The following ATRN variants were observed in gnomAD, a reference collection of about 807,000 sequenced individuals.
ATRN encodes attractin-2.
Under a neutral mutation model 178.7 loss-of-function variants are expected in ATRN, and 54 were observed. That is an observed-to-expected ratio of 0.30 (90% CI 0.24 to 0.38). The LOEUF is 0.38. Among genes scored for constraint, ATRN ranks in the 10% least tolerant of loss-of-function variants. The pLI, the probability that ATRN is intolerant of heterozygous loss-of-function variation, is 1.00. For missense variants in ATRN, 1,443 were observed against 1,815.1 expected (o/e 0.79, Z 3.73); for synonymous variants, 636 against 663.0 (o/e 0.96, Z 0.63).
intron 7 of ATRN, 127 bp downstream of exon 7, chr20:3,559,610 A>G (rs1045988383): frequency 7.2e-6 from 5 of 690,872 alleles, no homozygotes; most frequent in Non-Finnish European, 5.0e-6. Flanking sequence ...TGGGGGCATT[A>G]TATAATTGGC....
rs878911783 is a variant in ATRN, at chr20:3,490,881, A to G, written c.410+19364A>G. 2.7e-5 allele frequency: 26 copies of G among 953,440 alleles called. 1 individual carries two copies. The South Asian group carries it at 3.2e-4, about 12-fold the overall frequency. The allele number at this position is 953,440 out of a possible 1,614,324, so 59.1% of individuals were successfully genotyped here. On this transcript the variant is annotated intron_variant, in intron 1 of 28. Coordinates refer to ENST00000262919, the MANE Select transcript of ATRN (RefSeq NM_139321.3). ...ACTGACCTCCATATACCTATCTTGC[A>G]TGGCCTGAGTGCGGTGATCAGAATT...
intron 1 of ATRN, among the ~76,000 whole-genome samples, chr20:3,508,431 A>G (rs995079662): frequency 1.3e-5 from 2 of 152,332 alleles, no homozygotes; most frequent in Admixed American, 6.5e-5. Flanking sequence ...GCATTGTTGC[A>G]TGAAAGCAGT....
intron 23 of ATRN, among the ~76,000 whole-genome samples, chr20:3,603,431 G>A (rs914874259): frequency 1.3e-5 from 2 of 151,968 alleles, no homozygotes; most frequent in African/African-American, 2.4e-5. Context: ...CACCTGTTTG[G>A]GGGTGGGGCA....
chr20:3,491,027 CTT>C, intron 1 of ATRN: 5 of 1,276,732 alleles, frequency 3.9e-6, no homozygotes, highest in Non-Finnish European at 5.6e-6. Flanking sequence ...CGCAGCCTCT[CTT>C]AAAAATTTTA....
intron 7 of ATRN, among the ~76,000 whole-genome samples, chr20:3,559,966 CT>C (rs1489391936): frequency 6.6e-6 from 1 of 151,976 alleles, no homozygotes; most frequent in African/African-American, 2.4e-5. Flanking sequence ...TCCCTTTTCC[CT>C]TTTTTTATCC....
intron 1 of ATRN, among the ~76,000 whole-genome samples, chr20:3,479,648 AG>A (rs2084590780): frequency 6.6e-6 from 1 of 152,232 alleles, no homozygotes; most frequent in Non-Finnish European, 1.5e-5. Context: ...ATAAAACAAC[AG>A]AAATTTATTC....
At chr20:3,547,215 G>A in intron 4 of ATRN, 69 bp from the exon 5 acceptor site, 2 of 1,214,324 alleles carry the variant, frequency 1.6e-6, no homozygotes, top group South Asian at 1.3e-5. Flanking sequence ...ACTTGTGTGG[G>A]AGGAAGTTAT....
rs201051647 is a variant in ATRN at position 3,584,820 on chromosome 20, C to T, written c.3124C>T (p.Leu1042Phe). Residue 1042 changes from leucine to phenylalanine, a missense_variant, in exon 18 of 29, where the codon CTC (leucine) becomes TTC (phenylalanine). Leu to Phe is a conservative substitution (Grantham distance 22, BLOSUM62 0). Around this residue, in one of 4 missense-constraint regions of ATRN, gnomAD observed 80 missense variants for 71.5 expected, o/e 1.12. Transcript: ENST00000262919. ...PTGNFYPQPL[L>F]NSSMCLEDSR... ...AGGAAATTTCTATCCACAGCCCCTG[C>T]TCAATTCCAGCATGTGTCTAGAGGA... The T allele has an allele frequency of 5.0e-6, 8 of 1,614,202 alleles. No individual in the cohort carries two copies. The African/African-American group carries it at 1.1e-4, about 22-fold the overall frequency.
chr20:3,634,446 T>C (rs2087011457), intron 26 of ATRN, 57 bp downstream of exon 26: 1 of 1,528,942 alleles, frequency 6.5e-7, no homozygotes, highest in African/African-American at 1.4e-5. Flanking sequence ...TTTCCTTCTT[T>C]TTCTCTTAAG....
At position 3,545,908 on chromosome 20, in the gene ATRN, A is replaced by G. The variant is rs746019487; in HGVS notation, c.737+18A>G. 47 of 1,610,348 alleles carry G rather than the reference A, an allele frequency of 2.9e-5. No homozygotes were observed. The highest frequency in any genetic ancestry group is 3.6e-5 in the Non-Finnish European group (42 of 1,177,170). On this transcript the variant is annotated intron_variant, in intron 4 of 28. Coordinates refer to ENST00000262919, the MANE Select transcript of ATRN (RefSeq NM_139321.3). ...ACTTACAGGTAAGATACTTAAGTCT[A>G]GTATTTGTGATTTCATTCAGGAGAC...
chr20:3,486,861 TATC>T (rs2146080239), intron 1 of ATRN, among the ~76,000 whole-genome samples: 1 of 152,370 alleles, frequency 6.6e-6, no homozygotes, highest in East Asian at 1.9e-4. Context: ...TCAAGTCTGT[TATC>T]ATTTCTGGGA....
intron 1 of ATRN, among the ~76,000 whole-genome samples, chr20:3,511,204 A>G (rs1402988970): frequency 6.6e-6 from 1 of 152,204 alleles, no homozygotes; most frequent in Non-Finnish European, 1.5e-5. Context: ...AGCACTGTAC[A>G]ATATGTTCCT....
chr20:3,588,876 A>G (rs1234985731), intron 18 of ATRN, among the ~76,000 whole-genome samples: 1 of 146,908 alleles, frequency 6.8e-6, no homozygotes, highest in East Asian at 2.0e-4. Context: ...ATCTATTCAG[A>G]TTTTCTTTTT....
At chr20:3,627,295 G>A (rs2146317580) in intron 25 of ATRN, among the ~76,000 whole-genome samples, 1 of 152,216 alleles carries the variant, frequency 6.6e-6, no homozygotes, top group East Asian at 1.9e-4. Flanking sequence ...GAACCTCTAG[G>A]GGTGCACCCC....
At chr20:3,609,993 A>G (rs970406378) in intron 24 of ATRN, among the ~76,000 whole-genome samples, 1 of 152,210 alleles carries the variant, frequency 6.6e-6, no homozygotes, top group Non-Finnish European at 1.5e-5. Flanking sequence ...CATGGTTATT[A>G]AAGAGTTTCC....
At chr20:3,485,075 G>T (rs2146076706) in intron 1 of ATRN, among the ~76,000 whole-genome samples, 1 of 152,040 alleles carries the variant, frequency 6.6e-6, no homozygotes, top group East Asian at 1.9e-4. Flanking sequence ...GGGGATGGGG[G>T]TGTCACAGCT....
At chr20:3,625,542 A>G (rs1204104575) in intron 25 of ATRN, among the ~76,000 whole-genome samples, 1 of 152,096 alleles carries the variant, frequency 6.6e-6, no homozygotes, top group African/African-American at 2.4e-5. Flanking sequence ...TTATCACTAT[A>G]CTCTTGCTGA....
At chr20:3,529,951 C>T (rs1337616991) in intron 1 of ATRN, among the ~76,000 whole-genome samples, 1 of 151,760 alleles carries the variant, frequency 6.6e-6, no homozygotes, top group Admixed American at 6.6e-5. Flanking sequence ...TTCGAAGAAG[C>T]AAACTATTGA....
At chr20:3,483,410 A>G (rs181115456) in intron 1 of ATRN, among the ~76,000 whole-genome samples, 1 of 152,256 alleles carries the variant, frequency 6.6e-6, no homozygotes, top group Admixed American at 6.5e-5. Flanking sequence ...GCAGTGATGT[A>G]ATCACCGCTC....
Sources: allele counts gnomAD v4.1 joint callset (sites outside exome capture counted in the v4.1 genomes callset), GRCh38; gene constraint gnomAD v4.1.1; regional missense constraint gnomAD v4.1.1; transcripts MANE v1.5; gene names NCBI Gene and HGNC (gene_info 2026-07-23, HGNC 2026-07-21).